TMEM132B: variants seen among roughly 807,000 people sequenced by gnomAD.
TMEM132B encodes transmembrane protein 132B.
Under a neutral mutation model 90.8 loss-of-function variants are expected in TMEM132B, and 18 were observed. That is an observed-to-expected ratio of 0.20 (90% CI 0.14 to 0.29). The LOEUF (loss-of-function observed/expected upper bound fraction) is 0.29. TMEM132B is among the 10% of genes least tolerant of loss of function. The pLI, the probability that TMEM132B is intolerant of heterozygous loss-of-function variation, is 1.00. For synonymous variants in TMEM132B, 504 were observed against 523.3 expected (o/e 0.96, Z 0.50); for missense variants, 1,096 against 1,326.8 (o/e 0.83, Z 2.70).
At chr12:125,389,198 G>A (rs1878936398) in intron 2 of TMEM132B, among the ~76,000 whole-genome samples, 2 of 152,164 alleles carry the variant, frequency 1.3e-5, no homozygotes. Flanking sequence ...ATTAAAAGAA[G>A]TATAATTTCA....
intron 1 of TMEM132B, among the ~76,000 whole-genome samples, chr12:125,250,238 A>C (rs1380818456): frequency 6.6e-6 from 1 of 152,246 alleles, no homozygotes; most frequent in African/African-American, 2.4e-5. Context: ...GCTGCAGACA[A>C]GGTCCCTGGT....
At chr12:125,188,852 CAAAAAAAAA>C (rs72059024) in intron 1 of TMEM132B, among the ~76,000 whole-genome samples, 23 of 91,208 alleles carry the variant, frequency 2.5e-4, no homozygotes, top group East Asian at 3.8e-4. Context: ...GGAGGGATGG[CAAAAAAAAA>C]AAAAAAAAAA....
chr12:125,368,052 T>G (rs1878184426), intron 2 of TMEM132B, among the ~76,000 whole-genome samples: 1 of 152,214 alleles, frequency 6.6e-6, no homozygotes, highest in Non-Finnish European at 1.5e-5. Flanking sequence ...ATCTTTAAAT[T>G]TATCATCATC....
At chr12:125,540,458 A>G (rs1303085967) in intron 4 of TMEM132B, among the ~76,000 whole-genome samples, 3 of 152,208 alleles carry the variant, frequency 2.0e-5, no homozygotes, top group South Asian at 2.1e-4. Flanking sequence ...TTGTAGTTCT[A>G]TCAGATTTTG....
At chr12:125,297,723 C>T (rs1875707228) in intron 1 of TMEM132B, among the ~76,000 whole-genome samples, 1 of 152,132 alleles carries the variant, frequency 6.6e-6, no homozygotes. Context: ...TAGACCTCCA[C>T]CTGTGATTTG....
chr12:125,524,810 A>G (rs762946984), intron 4 of TMEM132B, among the ~76,000 whole-genome samples: 25 of 152,172 alleles, frequency 1.6e-4, no homozygotes, highest in Non-Finnish European at 3.2e-4. Flanking sequence ...TGATTTGCTG[A>G]GTCAGACACA....
chr12:125,474,397 G>A (rs996800481), intron 3 of TMEM132B, among the ~76,000 whole-genome samples: 4 of 151,580 alleles, frequency 2.6e-5, no homozygotes, highest in East Asian at 3.9e-4. Context: ...CTGGGCTCCA[G>A]TGATTCTCAC....
At chr12:125,232,427 T>C (rs1652343617) in intron 1 of TMEM132B, among the ~76,000 whole-genome samples, 2 of 152,182 alleles carry the variant, frequency 1.3e-5, no homozygotes, top group African/African-American at 4.8e-5. Context: ...AAAAAAATAA[T>C]TTTTTGCTTT....
intron 1 of TMEM132B, among the ~76,000 whole-genome samples, chr12:125,298,206 C>T (rs375529986): frequency 3.9e-5 from 6 of 152,086 alleles, no homozygotes; most frequent in South Asian, 2.1e-4. Context: ...GCCATGATTG[C>T]GCCACTGCAC....
At chr12:125,301,037 ATATG>A (rs1442287857) in intron 1 of TMEM132B, 1 of 152,218 alleles carries the variant, frequency 6.6e-6, no homozygotes, top group East Asian at 1.9e-4. Flanking sequence ...GTATATATAT[ATATG>A]TATGTATGTT....
chr12:125,528,195 C>T (rs2526729), intron 4 of TMEM132B, among the ~76,000 whole-genome samples: 1 of 151,572 alleles, frequency 6.6e-6, no homozygotes, highest in East Asian at 1.9e-4. Context: ...GGTGTCCCTT[C>T]TTTAGGTTTT....
chr12:125,563,090 C>T (rs1238089097), intron 4 of TMEM132B, among the ~76,000 whole-genome samples: 1 of 150,730 alleles, frequency 6.6e-6, no homozygotes, highest in African/African-American at 2.5e-5. Flanking sequence ...TTGTGGCACC[C>T]TCAAAAGAAT....
At chr12:125,193,345 G>A (rs1872847031) in intron 1 of TMEM132B, among the ~76,000 whole-genome samples, 1 of 152,182 alleles carries the variant, frequency 6.6e-6, no homozygotes, top group Non-Finnish European at 1.5e-5. Flanking sequence ...TGCCCTGATG[G>A]TGCCTTCTTG....
At chr12:125,286,813 C>T (rs1245848831) in intron 1 of TMEM132B, among the ~76,000 whole-genome samples, 2 of 152,046 alleles carry the variant, frequency 1.3e-5, no homozygotes, top group Non-Finnish European at 1.5e-5. Context: ...AAGTGCTTCT[C>T]CTGCCTCAGC....
intron 3 of TMEM132B, among the ~76,000 whole-genome samples, chr12:125,439,872 C>G (rs1176685044): frequency 6.6e-6 from 1 of 152,154 alleles, no homozygotes; most frequent in Non-Finnish European, 1.5e-5. Context: ...CAGTTTTGAG[C>G]ATGAATGGAT....
intron 1 of TMEM132B, among the ~76,000 whole-genome samples, chr12:125,339,415 A>G (rs932373212): frequency 4.6e-5 from 7 of 151,912 alleles, no homozygotes; most frequent in African/African-American, 1.7e-4. Flanking sequence ...CGCCAGTCCA[A>G]TTGAACTGGG....
chr12:125,529,039 C>G (rs922825486), intron 4 of TMEM132B, among the ~76,000 whole-genome samples: 28 of 147,926 alleles, frequency 1.9e-4, no homozygotes, highest in Admixed American at 1.6e-3. Flanking sequence ...TTCCTCCCTC[C>G]TCCTTCTTCC....
chr12:125,435,209 T>C (rs1358720759), intron 3 of TMEM132B, among the ~76,000 whole-genome samples: 1 of 152,226 alleles, frequency 6.6e-6, no homozygotes, highest in African/African-American at 2.4e-5. Context: ...CTCACATCCC[T>C]GGCTGGAAAA....
chr12:125,634,699 G>A (rs1372373518), intron 5 of TMEM132B, among the ~76,000 whole-genome samples: 1 of 152,164 alleles, frequency 6.6e-6, no homozygotes, highest in African/African-American at 2.4e-5. Context: ...CTGGCCCAGG[G>A]TATGTCTAGT....
Sources: allele counts gnomAD v4.1 joint callset (sites outside exome capture counted in the v4.1 genomes callset), GRCh38; gene constraint gnomAD v4.1.1; transcripts MANE v1.5; gene names NCBI Gene and HGNC (gene_info 2026-07-23, HGNC 2026-07-21).